N4BP2L2: variants seen among roughly 807,000 people sequenced by gnomAD.
N4BP2L2 encodes the protein NEDD4-binding protein 2-like 2.
In N4BP2L2, 50 loss-of-function variants were observed where a neutral mutation model predicts 56.2. That is an observed-to-expected ratio of 0.89 (90% CI 0.71 to 1.13). The LOEUF (loss-of-function observed/expected upper bound fraction) is 1.13, where lower values mean the gene tolerates loss of function less well. N4BP2L2 is among the 50% of genes most tolerant of loss of function. The pLI, the probability that N4BP2L2 is intolerant of heterozygous loss-of-function variation, is 0.00. For synonymous variants in N4BP2L2, 203 were observed against 223.6 expected (o/e 0.91, Z 0.82); for missense variants, 689 against 693.8 (o/e 0.99, Z 0.08).
intron 6 of N4BP2L2, among the ~76,000 whole-genome samples, chr13:32,494,215 G>C (rs955984400): frequency 6.6e-6 from 1 of 152,002 alleles, no homozygotes; most frequent in African/African-American, 2.4e-5. Flanking sequence ...CCTGGGAGGC[G>C]GAGGTTGCAG....
chr13:32,480,729 A>G (rs999160022), intron 6 of N4BP2L2: 61 of 680,624 alleles, frequency 9.0e-5, no homozygotes, highest in Admixed American at 6.1e-4. Flanking sequence ...CTGTGCTACT[A>G]CTATTTTCAT....
chr13:32,501,453 A>G (rs552074848), intron 6 of N4BP2L2, among the ~76,000 whole-genome samples: 7 of 152,190 alleles, frequency 4.6e-5, no homozygotes, highest in Non-Finnish European at 1.0e-4. Flanking sequence ...TTTTAAAGAA[A>G]TAGGTTTGTG....
chr13:32,536,346 C>T (rs201863954), exon 2 of N4BP2L2: 9 of 1,613,940 alleles, frequency 5.6e-6, no homozygotes, highest in Non-Finnish European at 5.9e-6. Flanking sequence ...GATGGCATAG[C>T]TTTATTACTA....
chr13:32,442,141 T>C (rs1402739163), intron 7 of N4BP2L2, among the ~76,000 whole-genome samples: 1 of 152,184 alleles, frequency 6.6e-6, no homozygotes, highest in Non-Finnish European at 1.5e-5. Context: ...CCAGTATCTA[T>C]TGAAATTGAG....
intron 6 of N4BP2L2, among the ~76,000 whole-genome samples, chr13:32,500,999 G>C (rs777922590): frequency 4.5e-4 from 68 of 151,616 alleles, no homozygotes; most frequent in Non-Finnish European, 1.6e-4. Context: ...CTCCCCAGTA[G>C]CTGGGATTAC....
At chr13:32,483,224 T>C (rs1369495240) in intron 6 of N4BP2L2, among the ~76,000 whole-genome samples, 2 of 152,182 alleles carry the variant, frequency 1.3e-5, no homozygotes, top group Middle Eastern at 6.3e-3. Flanking sequence ...CTGAAGCAAG[T>C]ACTGTGGGAA....
At position 32,448,783 on chromosome 13, in the gene N4BP2L2, T is replaced by A. The variant is rs75208658; in HGVS notation, c.366-4657A>T. Among the ~76,000 whole-genome samples, 1,101 of 152,316 alleles carry A rather than the reference T, an allele frequency of 7.2e-3. 17 individuals are homozygous for A. The highest frequency in any genetic ancestry group is 0.026 in the African/African-American group (1,069 of 41,562). On this transcript the variant is annotated intron_variant, in intron 6 of 9. Coordinates refer to the N4BP2L2 transcript ENST00000357505. Reference sequence around the variant, plus strand: ...CAGAATCCTATATACTAATTTATGATAACGGGCAATAAATGAAGTAAATCT... The same window carrying A: ...CAGAATCCTATATACTAATTTATGAAAACGGGCAATAAATGAAGTAAATCT...
At chr13:32,444,067 C>A (rs751976779) in exon 7 of N4BP2L2, 6 of 1,589,940 alleles carry the variant, frequency 3.8e-6, no homozygotes, top group Non-Finnish European at 5.1e-6. Context: ...GTTTCTTTTT[C>A]TGTTCCTCTT....
At chr13:32,476,698 T>G (rs1291827233) in intron 6 of N4BP2L2, among the ~76,000 whole-genome samples, 2 of 151,992 alleles carry the variant, frequency 1.3e-5, no homozygotes, top group Non-Finnish European at 2.9e-5. Context: ...TGGAAACATA[T>G]AACCATGAAC....
At chr13:32,528,803 G>A (rs570654523) in intron 2 of N4BP2L2, among the ~76,000 whole-genome samples, 1 of 152,254 alleles carries the variant, frequency 6.6e-6, no homozygotes, top group South Asian at 2.1e-4. Flanking sequence ...AAAATAGTAG[G>A]AAGGGTTTAA....
intron 6 of N4BP2L2, among the ~76,000 whole-genome samples, chr13:32,503,033 C>T (rs932980484): frequency 2.0e-5 from 3 of 151,426 alleles, no homozygotes; most frequent in African/African-American, 7.3e-5. Context: ...ATTAGTCGGG[C>T]GTGGTGGTAG....
At chr13:32,445,110 G>A (rs985252800) in intron 6 of N4BP2L2, among the ~76,000 whole-genome samples, 3 of 152,174 alleles carry the variant, frequency 2.0e-5, no homozygotes, top group Non-Finnish European at 2.9e-5. Context: ...AATTAGCTGG[G>A]CGTGGTGGTT....
At chr13:32,463,030 A>G (rs953421497) in intron 6 of N4BP2L2, among the ~76,000 whole-genome samples, 1 of 151,956 alleles carries the variant, frequency 6.6e-6, no homozygotes, top group Non-Finnish European at 1.5e-5. Context: ...GTGACAGAGC[A>G]AGACTCTGTC....
At chr13:32,447,891 C>T (rs1283378667) in intron 6 of N4BP2L2, among the ~76,000 whole-genome samples, 7 of 151,888 alleles carry the variant, frequency 4.6e-5, no homozygotes, top group Admixed American at 3.9e-4. Flanking sequence ...AAACACTGGA[C>T]CATGAAAGAA....
chr13:32,443,314 T>G (rs2076613158), exon 7 of N4BP2L2: 1 of 1,613,902 alleles, frequency 6.2e-7, no homozygotes, highest in East Asian at 2.2e-5. Flanking sequence ...ACCAGCCAAC[T>G]TACATGCTCT....
At chr13:32,503,663 CATT>C (rs906597011) in intron 6 of N4BP2L2, among the ~76,000 whole-genome samples, 3 of 152,338 alleles carry the variant, frequency 2.0e-5, no homozygotes, top group African/African-American at 2.4e-5. Flanking sequence ...TTATTTCCAT[CATT>C]AATTCACACA....
chr13:32,534,978 A>G (rs1023397158), intron 2 of N4BP2L2, among the ~76,000 whole-genome samples: 3 of 152,232 alleles, frequency 2.0e-5, no homozygotes, highest in Admixed American at 1.3e-4. Flanking sequence ...ACAATAAACC[A>G]CCAACAGTTC....
intron 6 of N4BP2L2, among the ~76,000 whole-genome samples, chr13:32,501,411 C>A (rs1384566322): frequency 6.8e-6 from 1 of 146,038 alleles, no homozygotes; most frequent in Non-Finnish European, 1.5e-5. Flanking sequence ...TTAAGCTTGA[C>A]ATTAAAACAA....
At chr13:32,524,951 T>A (rs1414910692) in intron 3 of N4BP2L2, 3 of 152,234 alleles carry the variant, frequency 2.0e-5, no homozygotes, top group Non-Finnish European at 4.4e-5. Flanking sequence ...TTTGTAGAGA[T>A]GGGGTTTCAT....
Sources: allele counts gnomAD v4.1 joint callset (sites outside exome capture counted in the v4.1 genomes callset), GRCh38; gene constraint gnomAD v4.1.1; transcripts MANE v1.5; gene names NCBI Gene and HGNC (gene_info 2026-07-23, HGNC 2026-07-21).